WNT2B: variants seen among roughly 807,000 people sequenced by gnomAD.
The protein encoded by WNT2B is Wnt family member 2B.
WNT2B carries 19 observed loss-of-function variants against 40.5 expected under a neutral mutation model. The ratio of observed to expected loss-of-function variants is 0.47; its 90% CI spans 0.33 to 0.69. The LOEUF is 0.69. Ranked by LOEUF, WNT2B falls within the 30% of genes least tolerant of loss-of-function variation. The pLI is 0.02. For missense variants in WNT2B, 467 were observed against 556.4 expected, an observed-to-expected ratio of 0.84 and a Z score of 1.62; for synonymous variants, 220 against 211.9, an observed-to-expected ratio of 1.04 and a Z score of -0.33.
At chr1:112,495,565 G>A (rs570952886) in intron 1 of WNT2B, among the ~76,000 whole-genome samples, 2 of 151,500 alleles carry the variant, frequency 1.3e-5, no homozygotes, top group East Asian at 3.9e-4. Flanking sequence ...CTCCAGCCTG[G>A]GTGACAGAGC....
intron 1 of WNT2B, among the ~76,000 whole-genome samples, chr1:112,469,667 T>G (rs1304197977): frequency 6.6e-6 from 1 of 151,988 alleles, no homozygotes; most frequent in Non-Finnish European, 1.5e-5. Flanking sequence ...CAGGCTAGAG[T>G]GCAGTGTGCG....
rs1356260964 is a variant in WNT2B, at chr1:112,527,038, T to C, written c.*6529T>C. 2 of 152,072 alleles carry C rather than the reference T, an allele frequency of 1.3e-5. No homozygotes were observed. 9.4% of individuals were successfully genotyped at this position (152,072 alleles called of 1,614,324 possible). A position where few individuals can be genotyped will look rare whatever the true frequency, so the allele number is the denominator to read the frequency against. On this transcript the variant is annotated 3_prime_UTR_variant, in exon 5 of 5. Transcript: ENST00000369684. ...ACACTTGCTGCTCTCAACCCCTCTT[T>C]GTTTTCCCATCCAAAATCTGGACCT... is the stretch of plus-strand genomic sequence containing the variant.
chr1:112,504,487 G>A (rs757733439), upstream of WNT2B, among the ~76,000 whole-genome samples: 7 of 151,942 alleles, frequency 4.6e-5, no homozygotes, highest in Non-Finnish European at 1.0e-4. Context: ...TCCACGCCTC[G>A]CCTAAGAGCT....
chr1:112,493,160 G>A (rs1341606127), intron 1 of WNT2B, among the ~76,000 whole-genome samples: 1 of 152,154 alleles, frequency 6.6e-6, no homozygotes, highest in Non-Finnish European at 1.5e-5. Flanking sequence ...TAGACAGCAT[G>A]CAAAAACAGG....
At chr1:112,513,580 G>T (rs1652428892) in intron 1 of WNT2B, among the ~76,000 whole-genome samples, 1 of 152,152 alleles carries the variant, frequency 6.6e-6, no homozygotes. Flanking sequence ...GCCCAGGGCA[G>T]TCTAGCTTTT....
chr1:112,500,973 C>T (rs1451168452), intron 1 of WNT2B, among the ~76,000 whole-genome samples: 10 of 152,216 alleles, frequency 6.6e-5, no homozygotes, highest in East Asian at 1.9e-4. Context: ...TTGTTCAGAA[C>T]GCCTCAGTTT....
rs71644398 is a variant in WNT2B, at chr1:112,477,158, G to T, written c.-95+9567G>T. 1.0e-3 allele frequency among the ~76,000 whole-genome samples: 155 copies of T among 152,328 alleles called. No homozygotes were observed. The Middle Eastern group carries it at 0.01, about 10-fold the overall frequency. On this transcript the variant is annotated intron_variant, in intron 1 of 4. Coordinates refer to the WNT2B transcript ENST00000256640. ...GTCAATAATAATTTACCCTATACAT[G>T]TCTTTATATTTAGAGTACCCAAGCA... is the stretch of plus-strand genomic sequence containing the variant.
In WNT2B at chr1:112,520,473, A is replaced by G. The variant is rs2227860; in HGVS notation, c.1140A>G (p.Lys380=). 6,027 of 1,614,118 alleles carry G rather than the reference A, an allele frequency of 3.7e-3. 181 individuals are homozygous for G. The African/African-American group carries it at 0.068, about 18-fold the overall frequency. Residue 380 remains lysine, a synonymous_variant, in exon 5 of 5, where the codon AAA becomes AAG. Transcript: ENST00000369684. ...CRNTVDVHTC[K]APKKAEWLDQ... ...ATACTGTGGACGTCCATACTTGCAAAGCCCCCAAGAAGGCAGAGTGGCTGG... is the reference window on the plus strand; with the variant it reads ...ATACTGTGGACGTCCATACTTGCAAGGCCCCCAAGAAGGCAGAGTGGCTGG...
chr1:112,508,615 G>A (rs1323148775), upstream of WNT2B: 1 of 674,444 alleles, frequency 1.5e-6, no homozygotes, highest in Non-Finnish European at 1.8e-6. This position sits in a 1 kb window ranked among gnomAD's most constrained non-coding sequence, Gnocchi z 4.2. Flanking sequence ...GTTGGGGACA[G>A]GAGGGAAGTG....
intron 1 of WNT2B, among the ~76,000 whole-genome samples, chr1:112,500,723 G>C (rs1346795577): frequency 6.6e-6 from 1 of 152,114 alleles, no homozygotes; most frequent in Non-Finnish European, 1.5e-5. Flanking sequence ...CCATGATCGT[G>C]CCACTACACT....
chr1:112,492,124 G>A (rs1651621378), intron 1 of WNT2B, among the ~76,000 whole-genome samples: 1 of 152,094 alleles, frequency 6.6e-6, no homozygotes, highest in Non-Finnish European at 1.5e-5. Flanking sequence ...TCCACAATAT[G>A]TAAAGAAACT....
upstream of WNT2B, chr1:112,508,643 C>T (rs1367554014): frequency 1.2e-5 from 11 of 927,464 alleles, no homozygotes; most frequent in Non-Finnish European, 1.4e-5. The surrounding 1 kb of genome is among the most constrained non-coding windows in gnomAD (Gnocchi z 4.2). Context: ...CCCCTTCCCG[C>T]TCCGCCAGCC....
intron 1 of WNT2B, among the ~76,000 whole-genome samples, chr1:112,498,357 G>T (rs963839527): frequency 6.6e-5 from 10 of 151,818 alleles, no homozygotes; most frequent in African/African-American, 1.9e-4. Flanking sequence ...GGGTTCAAGT[G>T]ACTCTCCTGC....
In WNT2B at chr1:112,529,957, A is replaced by C. The variant is rs1654105239; in HGVS notation, c.*9448A>C. 6.6e-6 allele frequency: 1 copy of C among 152,174 alleles called. No homozygotes were observed. Among genetic ancestry groups the C allele is most frequent in the African/African-American group, 2.4e-5 (1 of 41,432 alleles). 9.4% of individuals were successfully genotyped at this position (152,174 alleles called of 1,614,324 possible). On this transcript the variant is annotated 3_prime_UTR_variant, in exon 5 of 5. Coordinates refer to ENST00000369684, the MANE Select transcript of WNT2B (RefSeq NM_024494.3). Reference sequence around the variant, plus strand: ...GGCTCCCTACCACCCAGAAATATGAATGTGCCTCCTTACCAATATGCTACA... The same window carrying C: ...GGCTCCCTACCACCCAGAAATATGACTGTGCCTCCTTACCAATATGCTACA...
chr1:112,508,415 C>T (rs1469624104), upstream of WNT2B, among the ~76,000 whole-genome samples: 1 of 151,538 alleles, frequency 6.6e-6, no homozygotes, highest in Admixed American at 6.6e-5. The surrounding 1 kb of genome is among the most constrained non-coding windows in gnomAD (Gnocchi z 4.2). Flanking sequence ...TCAGAAGAAG[C>T]AGGGGCGATG....
chr1:112,525,744 C>A lies in WNT2B; in HGVS notation c.*5235C>A. 3.0e-6 allele frequency: 1 copy of A among 327,984 alleles called. No homozygotes were observed. Among genetic ancestry groups the A allele is most frequent in the Non-Finnish European group, 5.6e-6 (1 of 179,520 alleles). The allele number at this position is 327,984 out of a possible 1,614,324, so 20.3% of individuals were successfully genotyped here. On this transcript the variant is annotated 3_prime_UTR_variant, in exon 5 of 5. Coordinates refer to ENST00000369684, the MANE Select transcript of WNT2B (RefSeq NM_024494.3). Reference sequence around the variant, plus strand: ...GTGACTTGACTTCAACCCCAACAGCCCCTGTAAGTAGCCCTGGCCAAACAG... The same window carrying A: ...GTGACTTGACTTCAACCCCAACAGCACCTGTAAGTAGCCCTGGCCAAACAG...
intron 1 of WNT2B, among the ~76,000 whole-genome samples, chr1:112,514,281 G>C (rs553969814): frequency 1.3e-5 from 2 of 152,300 alleles, no homozygotes; most frequent in South Asian, 4.1e-4. Flanking sequence ...AGAGGGTGGG[G>C]TCTTCCTCCC....
Position 112,528,559 on chromosome 1 carries a change from T to A in WNT2B, c.*8050T>A, listed in dbSNP as rs1653837768. 1.3e-5 allele frequency: 2 copies of A among 152,324 alleles called. No individual in the cohort carries two copies. Among genetic ancestry groups the A allele is most frequent in the South Asian group, 4.1e-4 (2 of 4,832 alleles). The allele number at this position is 152,324 out of a possible 1,614,324, so 9.4% of individuals were successfully genotyped here. A position where few individuals can be genotyped will look rare whatever the true frequency, so the allele number is the denominator to read the frequency against. ...ACATATCATTAACTACAGCTCCTTA[T>A]CATTTGAGATTCTGGGCTAAGTAAG... On this transcript the variant is annotated 3_prime_UTR_variant, in exon 5 of 5. Coordinates refer to ENST00000369684, the MANE Select transcript of WNT2B (RefSeq NM_024494.3).
intron 1 of WNT2B, among the ~76,000 whole-genome samples, chr1:112,472,366 C>T: frequency 6.6e-6 from 1 of 152,238 alleles, no homozygotes; most frequent in African/African-American, 2.4e-5. Flanking sequence ...AATGAGAGAA[C>T]CACCCAAAAG....
Sources: gnomAD v4.1 joint callset for allele counts (sites outside exome capture counted in the v4.1 genomes callset) on GRCh38, gnomAD v4.1.1 for gene constraint, Gnocchi (gnomAD v3.1) non-coding constraint, MANE v1.5 for transcripts, NCBI Gene and HGNC (gene_info 2026-07-23, HGNC 2026-07-21) for gene names.